The following PDZD2 variants were observed in gnomAD, a reference collection of about 807,000 sequenced individuals.
The protein encoded by PDZD2 is PDZ domain containing 2.
Under a neutral mutation model 220.7 loss-of-function variants are expected in PDZD2, and 90 were observed. The ratio of observed to expected loss-of-function variants is 0.41; its 90% CI spans 0.34 to 0.49. The LOEUF is 0.49. Among genes scored for constraint, PDZD2 ranks in the 20% least tolerant of loss-of-function variants. The probability of loss-of-function intolerance (pLI) is 0.28; values close to 1 mark genes in which losing one functional copy is unlikely to be tolerated. For synonymous variants in PDZD2, 1,375 were observed against 1,450.5 expected (o/e 0.95, Z 1.18); for missense variants, 3,174 against 3,608.5 (o/e 0.88, Z 3.08).
At position 32,038,790 on chromosome 5, in the gene PDZD2, T is replaced by G. The variant is rs1193028242; in HGVS notation, c.1519+1448T>G. Among the ~76,000 whole-genome samples the G allele has an allele frequency of 4.7e-4, 72 of 152,228 alleles. 1 individual carries two copies. Among genetic ancestry groups the G allele is most frequent in the Non-Finnish European group, 2.8e-4 (19 of 68,010 alleles). ...GTTTTGAAGCCTGGCAGAACTAGGT[T>G]TAGCCCTCAGCTCCTGAGTTACCTT... On this transcript the variant is annotated intron_variant, in intron 7 of 24. Transcript: ENST00000438447.
intron 2 of PDZD2, among the ~76,000 whole-genome samples, chr5:31,944,001 A>G (rs987477710): frequency 2.0e-5 from 3 of 152,248 alleles, no homozygotes; most frequent in Non-Finnish European, 2.9e-5. Context: ...TATCATCTAC[A>G]GTCATTACTA....
At chr5:31,724,066 C>A (rs1280907831) in intron 1 of PDZD2, among the ~76,000 whole-genome samples, 1 of 152,116 alleles carries the variant, frequency 6.6e-6, no homozygotes, top group Non-Finnish European at 1.5e-5. Context: ...ACACACAGAA[C>A]CTACTTTGAA....
At chr5:32,007,441 C>T (rs934941814) in intron 5 of PDZD2, among the ~76,000 whole-genome samples, 1 of 150,978 alleles carries the variant, frequency 6.6e-6, no homozygotes, top group African/African-American at 2.4e-5. Context: ...GAATTGACAT[C>T]ACAGAAGAGG....
chr5:31,659,250 A>C lies in PDZD2; in HGVS notation c.-361+19813A>C, dbSNP rs149950339. ...TCCCTCTACTTTTTTGATTGGTTTC[A>C]TACTTTGCCTCTTAAACAAAGGTTC... On this transcript the variant is annotated intron_variant, in intron 1 of 24. Coordinates refer to ENST00000438447, the MANE Select transcript of PDZD2 (RefSeq NM_178140.4). Among the ~76,000 whole-genome samples the C allele has an allele frequency of 7.2e-3, 1,089 of 152,062 alleles. 4 individuals carry two copies. Among genetic ancestry groups the C allele is most frequent in the Non-Finnish European group, 0.01 (712 of 68,002 alleles).
chr5:31,879,807 T>C (rs1739693868), intron 2 of PDZD2, among the ~76,000 whole-genome samples: 1 of 151,598 alleles, frequency 6.6e-6, no homozygotes, highest in South Asian at 2.1e-4. Context: ...ATTTCTGGAA[T>C]TGAAAAAAAA....
intron 2 of PDZD2, among the ~76,000 whole-genome samples, chr5:31,877,209 T>G (rs915600107): frequency 3.9e-5 from 6 of 152,080 alleles, no homozygotes; most frequent in Non-Finnish European, 5.9e-5. Flanking sequence ...AAAGTTGTTT[T>G]TTTGTTTGTT....
intron 2 of PDZD2, among the ~76,000 whole-genome samples, chr5:31,854,497 G>A (rs917379837): frequency 1.3e-5 from 2 of 152,186 alleles, no homozygotes; most frequent in Admixed American, 1.3e-4. Context: ...CCCATACGAT[G>A]GTTGTGATTT....
Position 31,682,671 on chromosome 5 carries a change from CTGTGTGTGTGTGTGTGTGTG to C in PDZD2, c.-361+43264_-361+43283del, listed in dbSNP as rs70955735. ...AACTAGCGCATTCTCAGTCTTTCGG[CTGTGTGTGTGTGTGTGTGTG>C]TGTGTGTGTGTGTGTGTGTGTGTGT... On this transcript the variant is annotated intron_variant, in intron 1 of 24. Coordinates refer to ENST00000438447, the MANE Select transcript of PDZD2 (RefSeq NM_178140.4). Among the ~76,000 whole-genome samples the C allele has an allele frequency of 1.8e-3, 261 of 145,994 alleles. 1 individual carries two copies. Among genetic ancestry groups the C allele is most frequent in the East Asian group, 6.4e-3 (32 of 4,986 alleles).
At chr5:31,901,851 A>G (rs1275056147) in intron 2 of PDZD2, among the ~76,000 whole-genome samples, 2 of 152,234 alleles carry the variant, frequency 1.3e-5, no homozygotes, top group Non-Finnish European at 2.9e-5. Flanking sequence ...CACTTCATGT[A>G]AATGAAATCT....
intron 2 of PDZD2, among the ~76,000 whole-genome samples, chr5:31,952,760 T>C (rs981978177): frequency 1.3e-5 from 2 of 151,986 alleles, no homozygotes; most frequent in Non-Finnish European, 2.9e-5. Flanking sequence ...AAGAAATATT[T>C]GAAAAATAAG....
At chr5:32,080,489 A>G (rs557908088) in intron 19 of PDZD2, among the ~76,000 whole-genome samples, 2 of 152,148 alleles carry the variant, frequency 1.3e-5, no homozygotes, top group East Asian at 3.9e-4. Context: ...TTAAGAGTGC[A>G]TGTTCTACAT....
At chr5:31,641,271 G>T (rs1250032392) in intron 1 of PDZD2, among the ~76,000 whole-genome samples, 1 of 152,190 alleles carries the variant, frequency 6.6e-6, no homozygotes, top group Non-Finnish European at 1.5e-5. Context: ...TGTAGTAGAC[G>T]CCATGTGTTT....
chr5:31,644,225 C>T (rs756477875), intron 1 of PDZD2, among the ~76,000 whole-genome samples: 13 of 152,126 alleles, frequency 8.5e-5, no homozygotes, highest in Admixed American at 6.5e-4. Context: ...ACCTATGCAT[C>T]GGTTGCATAT....
intron 7 of PDZD2, among the ~76,000 whole-genome samples, chr5:32,041,437 T>C (rs1756138897): frequency 6.6e-6 from 1 of 151,874 alleles, no homozygotes; most frequent in Non-Finnish European, 1.5e-5. Flanking sequence ...GATCAGATTT[T>C]TACTGTGTCT....
chr5:31,951,257 A>G (rs923232784), intron 2 of PDZD2, among the ~76,000 whole-genome samples: 4 of 152,256 alleles, frequency 2.6e-5, no homozygotes, highest in African/African-American at 9.6e-5. Context: ...TTTAAGAAAC[A>G]GGGTCTCACT....
chr5:31,665,967 A>C (rs951407878), intron 1 of PDZD2, among the ~76,000 whole-genome samples: 2 of 152,186 alleles, frequency 1.3e-5, no homozygotes, highest in African/African-American at 4.8e-5. Context: ...TCACACGTTC[A>C]ATTTTCCAAT....
intron 2 of PDZD2, among the ~76,000 whole-genome samples, chr5:31,853,878 T>C (rs1172622551): frequency 6.6e-6 from 1 of 152,128 alleles, no homozygotes; most frequent in Non-Finnish European, 1.5e-5. Context: ...TTGTTTGCAC[T>C]GAGATTGGTG....
In PDZD2 at chr5:31,906,704, A is replaced by G. The variant is rs544188290; in HGVS notation, c.477-76451A>G. 9.3e-4 allele frequency among the ~76,000 whole-genome samples: 142 copies of G among 152,062 alleles called. 1 individual carries two copies. Among genetic ancestry groups the G allele is most frequent in the African/African-American group, 3.3e-3 (136 of 41,522 alleles). On this transcript the variant is annotated intron_variant, in intron 2 of 24. Transcript: ENST00000438447. ...CTAAAAATACAAAAATTAGCCGGGC[A>G]TGGTGGCACGTGCCTGTAGTCCCAG... is the stretch of plus-strand genomic sequence containing the variant.
At chr5:31,965,412 G>C (rs753702741) in intron 2 of PDZD2, among the ~76,000 whole-genome samples, 2 of 152,160 alleles carry the variant, frequency 1.3e-5, no homozygotes, top group African/African-American at 2.4e-5. Context: ...GCAAATACAG[G>C]GCACCATGAT....
Sources: gnomAD v4.1 joint callset for allele counts (sites outside exome capture counted in the v4.1 genomes callset) on GRCh38, gnomAD v4.1.1 for gene constraint, MANE v1.5 for transcripts, NCBI Gene and HGNC (gene_info 2026-07-23, HGNC 2026-07-21) for gene names.